The following BLVRA variants were observed in gnomAD, a reference collection of about 807,000 sequenced individuals.
BLVRA encodes biliverdin reductase A, also known as BVR A.
BLVRA carries 22 observed loss-of-function variants against 32.8 expected under a neutral mutation model. The observed-to-expected ratio is 0.67, with a 90% CI of 0.48 to 0.96. The LOEUF (loss-of-function observed/expected upper bound fraction) is 0.96. Among genes scored for constraint, BLVRA ranks in the 40% least tolerant of loss-of-function variants. BLVRA has a pLI of 0.00. For missense variants in BLVRA, 323 were observed against 358.1 expected (o/e 0.90, Z 0.79); for synonymous variants, 119 against 141.3 (o/e 0.84, Z 1.12).
At chr7:43,776,922 T>C (rs1462457005) in intron 2 of BLVRA, among the ~76,000 whole-genome samples, 2 of 152,216 alleles carry the variant, frequency 1.3e-5, no homozygotes, top group African/African-American at 4.8e-5. Flanking sequence ...CTTTTGATCT[T>C]TGTTGGTTTA....
At chr7:43,793,527 C>T (rs1288757640) in intron 5 of BLVRA, among the ~76,000 whole-genome samples, 1 of 152,170 alleles carries the variant, frequency 6.6e-6, no homozygotes, top group East Asian at 1.9e-4. Context: ...GTGGCTCATG[C>T]CCTGTCAGCC....
Position 43,803,730 on chromosome 7 carries a change from G to A in BLVRA, c.515G>A (p.Arg172His), listed in dbSNP as rs1244820611. The change falls in exon 7 of 8, where the codon CGC becomes CAC. Residue 172 changes from arginine to histidine, a missense_variant. Transcript: ENST00000265523. Reference protein sequence around the residue: ...FGFPAFSGISRLTWLVSLFGE... With the variant: ...FGFPAFSGISHLTWLVSLFGE... ...TTCCCTGCATTCAGCGGCATCTCTC[G>A]CCTGACCTGGCTGGTCTCCCTCTTT... 5 of 1,613,862 alleles carry A rather than the reference G, an allele frequency of 3.1e-6. No homozygotes were observed. Among genetic ancestry groups the A allele is most frequent in the African/African-American group, 2.7e-5 (2 of 74,868 alleles).
intron 5 of BLVRA, among the ~76,000 whole-genome samples, chr7:43,796,007 G>A (rs1485578452): frequency 6.6e-6 from 1 of 151,600 alleles, no homozygotes; most frequent in Non-Finnish European, 1.5e-5. Flanking sequence ...GGGAGGCTGA[G>A]ACAGGAGAAT....
intron 7 of BLVRA, among the ~76,000 whole-genome samples, chr7:43,806,130 T>C (rs1346145631): frequency 6.6e-6 from 1 of 152,184 alleles, no homozygotes; most frequent in East Asian, 1.9e-4. Context: ...TTGGCCAACA[T>C]GGTGAAACCT....
At chr7:43,766,172 G>C (rs2095747601) in intron 1 of BLVRA, among the ~76,000 whole-genome samples, 1 of 151,722 alleles carries the variant, frequency 6.6e-6, no homozygotes, top group South Asian at 2.1e-4. Flanking sequence ...TGTAATCCCA[G>C]CTACTCAGGA....
rs1334020757 is a variant in BLVRA at position 43,791,383 on chromosome 7, C to T, written c.254+15C>T. The T allele has an allele frequency of 1.9e-6, 3 of 1,614,064 alleles. No homozygotes were observed. In the Admixed American group the frequency reaches 5.0e-5, roughly 27 times the overall value. On this transcript the variant is annotated intron_variant, in intron 4 of 7. Transcript: ENST00000265523. Reference sequence around the variant, plus strand: ...GACTACATCAGGTGGGTTTTCCACACAGGCAGTCCTTGCCTTACACAGCAG... The same window carrying T: ...GACTACATCAGGTGGGTTTTCCACATAGGCAGTCCTTGCCTTACACAGCAG...
chr7:43,758,416 C>A (rs552285517), upstream of BLVRA, among the ~76,000 whole-genome samples: 181 of 152,188 alleles, frequency 1.2e-3, 1 homozygote, highest in Non-Finnish European at 2.2e-3. Context: ...GCCCTCCGGT[C>A]GGCCGGCACC....
chr7:43,763,828 T>C (rs776429399), intron 1 of BLVRA, among the ~76,000 whole-genome samples: 4 of 152,222 alleles, frequency 2.6e-5, no homozygotes, highest in Admixed American at 6.5e-5. Flanking sequence ...TAGCCGTTTC[T>C]CTTTTACAAA....
At chr7:43,770,618 A>G (rs1322588650) in intron 1 of BLVRA, among the ~76,000 whole-genome samples, 1 of 151,408 alleles carries the variant, frequency 6.6e-6, no homozygotes, top group Non-Finnish European at 1.5e-5. Context: ...CTTCCTTGCT[A>G]CCCCTGCTCA....
At chr7:43,762,872 CT>C (rs1012790385) in intron 1 of BLVRA, among the ~76,000 whole-genome samples, 6 of 152,088 alleles carry the variant, frequency 3.9e-5, no homozygotes, top group African/African-American at 1.4e-4. Context: ...CCGCCTCGGC[CT>C]CCCAAAGTGC....
intron 2 of BLVRA, among the ~76,000 whole-genome samples, chr7:43,773,600 C>T (rs573696821): frequency 1.3e-4 from 20 of 152,258 alleles, no homozygotes; most frequent in African/African-American, 3.4e-4. Context: ...AATAAACATA[C>T]GTGTGCATGT....
At position 43,764,789 on chromosome 7, in the gene BLVRA, G is replaced by A. The variant is rs2095745987; in HGVS notation, c.-22+6055G>A. On this transcript the variant is annotated intron_variant, in intron 1 of 7. Coordinates refer to ENST00000265523, the MANE Select transcript of BLVRA (RefSeq NM_000712.4). Reference sequence around the variant, plus strand: ...CCCCCACCCCCCGCAAAAAAAAGAAGTAAAGTGGGTTAAAGTGATATGTTA... The same window carrying A: ...CCCCCACCCCCCGCAAAAAAAAGAAATAAAGTGGGTTAAAGTGATATGTTA... Among the ~76,000 whole-genome samples, 7 of 147,168 alleles carry A rather than the reference G, an allele frequency of 4.8e-5. No individual in the cohort carries two copies. In the South Asian group the frequency reaches 1.5e-3, roughly 32 times the overall value.
intron 7 of BLVRA, among the ~76,000 whole-genome samples, chr7:43,805,363 A>G (rs1169639406): frequency 1.3e-5 from 2 of 150,480 alleles, no homozygotes; most frequent in African/African-American, 4.9e-5. Context: ...GCTCACTGCA[A>G]CCTCCATCTC....
At chr7:43,788,296 G>A (rs539405061) in intron 3 of BLVRA, among the ~76,000 whole-genome samples, 2 of 152,266 alleles carry the variant, frequency 1.3e-5, no homozygotes, top group African/African-American at 4.8e-5. Flanking sequence ...TTAGAGAAGG[G>A]GCACAGAAAA....
chr7:43,758,848 C>G (rs2095739197), intron 1 of BLVRA, 114 bp downstream of exon 1: 1 of 151,794 alleles, frequency 6.6e-6, no homozygotes, highest in Admixed American at 6.6e-5. Context: ...AGGCCCGGGC[C>G]CGCGGCCGCC....
At chr7:43,804,434 CCTT>C (rs1310368010) in intron 7 of BLVRA, among the ~76,000 whole-genome samples, 3 of 138,016 alleles carry the variant, frequency 2.2e-5, no homozygotes, top group African/African-American at 5.2e-5. Context: ...GAGCGAGACT[CCTT>C]CTTGAAAAAA....
At chr7:43,792,672 T>C in intron 4 of BLVRA, 43 bp from the exon 5 acceptor site, 1 of 1,541,750 alleles carries the variant, frequency 6.5e-7, no homozygotes, top group Non-Finnish European at 9.0e-7. Context: ...CAGTGAAGCT[T>C]ATTCGAAGTG....
intron 7 of BLVRA, among the ~76,000 whole-genome samples, chr7:43,806,615 G>A (rs2095804283): frequency 6.6e-6 from 1 of 152,068 alleles, no homozygotes. Context: ...AGGCATGGTG[G>A]CAGGCGCCTG....
chr7:43,788,077 G>A (rs200837553), intron 3 of BLVRA, 52 bp downstream of exon 3: 79 of 1,613,790 alleles, frequency 4.9e-5, no homozygotes, highest in South Asian at 3.8e-4. Flanking sequence ...CCAGTGAGGC[G>A]GATTAGCTGC....
Sources: gnomAD v4.1 joint callset for allele counts (sites outside exome capture counted in the v4.1 genomes callset) on GRCh38, gnomAD v4.1.1 for gene constraint, MANE v1.5 for transcripts, NCBI Gene and HGNC (gene_info 2026-07-23, HGNC 2026-07-21) for gene names.